ATP8A2: variants seen among roughly 807,000 people sequenced by gnomAD.
ATP8A2 encodes phospholipid-transporting ATPase IB.
In ATP8A2, 100 loss-of-function variants were observed where a neutral mutation model predicts 165.6. The ratio of observed to expected loss-of-function variants is 0.60; its 90% confidence interval spans 0.51 to 0.71. The LOEUF is 0.71. Ranked by LOEUF, ATP8A2 falls within the 30% of genes least tolerant of loss-of-function variation. ATP8A2 has a pLI of 0.00. For synonymous variants in ATP8A2, 543 were observed against 548.8 expected, an observed-to-expected ratio of 0.99 and a Z score of 0.15; for missense variants, 1,227 against 1,479.5, an observed-to-expected ratio of 0.83 and a Z score of 2.80.
intron 24 of ATP8A2, among the ~76,000 whole-genome samples, chr13:25,607,391 G>T (rs1399375692): frequency 6.6e-6 from 1 of 152,182 alleles, no homozygotes; most frequent in African/African-American, 2.4e-5. Flanking sequence ...TACAAAGGCA[G>T]AGTTGAGTAC....
chr13:25,544,973 C>A (rs1838450257), intron 10 of ATP8A2, among the ~76,000 whole-genome samples: 1 of 145,026 alleles, frequency 6.9e-6, no homozygotes, highest in African/African-American at 2.6e-5. Flanking sequence ...ATTACTAGGT[C>A]TTGAATATAC....
At chr13:25,933,643 T>C (rs1042987234) in intron 33 of ATP8A2, among the ~76,000 whole-genome samples, 1 of 152,096 alleles carries the variant, frequency 6.6e-6, no homozygotes, top group African/African-American at 2.4e-5. Context: ...ACCTAGGCCT[T>C]CCCAAGGGCA....
intron 24 of ATP8A2, among the ~76,000 whole-genome samples, chr13:25,676,980 T>C (rs1243007568): frequency 2.6e-5 from 4 of 152,210 alleles, no homozygotes; most frequent in Non-Finnish European, 5.9e-5. Context: ...GCCTTTGTTA[T>C]TGGGAAGAGG....
chr13:25,681,767 A>C (rs535753473), intron 24 of ATP8A2, among the ~76,000 whole-genome samples: 1 of 152,288 alleles, frequency 6.6e-6, no homozygotes, highest in Admixed American at 6.5e-5. Context: ...ACACCTCCAA[A>C]TGATTTATGT....
At chr13:25,389,303 TC>T (rs2033162145) in intron 1 of ATP8A2, among the ~76,000 whole-genome samples, 1 of 152,018 alleles carries the variant, frequency 6.6e-6, no homozygotes, top group South Asian at 2.1e-4. Context: ...TGTCATATTT[TC>T]CCCCCTAAAA....
Position 25,410,582 on chromosome 13 carries a change from T to C in ATP8A2, c.76+38294T>C, listed in dbSNP as rs1205830391. 2.6e-5 allele frequency among the ~76,000 whole-genome samples: 4 copies of C among 152,240 alleles called. No homozygotes were observed. The South Asian group carries it at 8.3e-4, about 32-fold the overall frequency. On this transcript the variant is annotated intron_variant, in intron 1 of 36. Coordinates refer to ENST00000381655, the MANE Select transcript of ATP8A2 (RefSeq NM_016529.6). Reference sequence around the variant, plus strand: ...AGCAGATCTTATTAAATCAACACAGTTTTTCAGTACTCCTGTGAGCAAGGC... The same window carrying C: ...AGCAGATCTTATTAAATCAACACAGCTTTTCAGTACTCCTGTGAGCAAGGC...
chr13:25,855,359 C>G (rs1952131586), intron 30 of ATP8A2, among the ~76,000 whole-genome samples: 1 of 152,108 alleles, frequency 6.6e-6, no homozygotes, highest in Non-Finnish European at 1.5e-5. Context: ...TCTGGACATT[C>G]CATAGAGATG....
chr13:25,693,383 G>A (rs1220488329), intron 24 of ATP8A2, among the ~76,000 whole-genome samples: 1 of 152,172 alleles, frequency 6.6e-6, no homozygotes, highest in Non-Finnish European at 1.5e-5. Context: ...TTATTGCCGA[G>A]TGGGCATGGA....
intron 12 of ATP8A2, among the ~76,000 whole-genome samples, chr13:25,554,517 GTGTGTGTGTGTA>G (rs1272036586): frequency 1.1e-3 from 91 of 84,870 alleles, no homozygotes; most frequent in African/African-American, 1.8e-3. Flanking sequence ...AATCATGTGT[GTGTGTGTGTGTA>G]TGTGTGTGTG....
At chr13:25,695,007 CT>C (rs1310735515) in intron 24 of ATP8A2, among the ~76,000 whole-genome samples, 2 of 152,124 alleles carry the variant, frequency 1.3e-5, no homozygotes, top group South Asian at 2.1e-4. Flanking sequence ...GTCCATTTAA[CT>C]TTTATGCATA....
At position 25,860,819 on chromosome 13, in the gene ATP8A2, G is replaced by A; in HGVS notation, c.3034G>A (p.Val1012Ile). 3 of 1,597,502 alleles carry A rather than the reference G, an allele frequency of 1.9e-6. No individual in the cohort carries two copies. The highest frequency in any genetic ancestry group is 2.6e-6 in the Non-Finnish European group (3 of 1,169,840). ...NIVYTYVVVT[V>I]CLKAGLETTA... The stretch of plus-strand genomic sequence containing the variant: ...ATTTTCACAGTATGTTGTTGTTACT[G>A]TTTGTCTGAAAGCTGGTTTGGAGAC... Residue 1012 changes from valine (V) to isoleucine (I), a missense_variant, in exon 32 of 37, where the codon GTT (valine) becomes ATT (isoleucine). Val to Ile is a conservative substitution (Grantham distance 29, BLOSUM62 3). Transcript: ENST00000381655.
chr13:25,413,860 A>T (rs1177040194), intron 1 of ATP8A2, among the ~76,000 whole-genome samples: 1 of 151,996 alleles, frequency 6.6e-6, no homozygotes, highest in Non-Finnish European at 1.5e-5. Flanking sequence ...ATTCTTTAAC[A>T]ATCCCCTGTT....
chr13:25,810,988 G>T (rs537427813), intron 27 of ATP8A2, among the ~76,000 whole-genome samples: 3 of 151,672 alleles, frequency 2.0e-5, no homozygotes, highest in African/African-American at 7.3e-5. Flanking sequence ...TGTGAATTTT[G>T]TCCATGATGT....
intron 33 of ATP8A2, among the ~76,000 whole-genome samples, chr13:25,867,740 C>A (rs1033054154): frequency 6.6e-6 from 1 of 152,186 alleles, no homozygotes; most frequent in East Asian, 1.9e-4. Flanking sequence ...AGGATAGCAG[C>A]GAGTTTGCTC....
chr13:25,749,937 G>C (rs2044118763), intron 25 of ATP8A2, among the ~76,000 whole-genome samples: 1 of 152,094 alleles, frequency 6.6e-6, no homozygotes, highest in Non-Finnish European at 1.5e-5. Context: ...TGAGATGGGG[G>C]ATTGCTTCAG....
intron 2 of ATP8A2, among the ~76,000 whole-genome samples, chr13:25,512,355 C>T (rs1329026222): frequency 1.3e-5 from 2 of 152,034 alleles, no homozygotes; most frequent in East Asian, 1.9e-4. Flanking sequence ...TTCCACAAAA[C>T]CGCCATTGTC....
chr13:25,977,668 C>T (rs1027977107), intron 35 of ATP8A2, among the ~76,000 whole-genome samples: 3 of 151,950 alleles, frequency 2.0e-5, no homozygotes, highest in African/African-American at 7.3e-5. Flanking sequence ...TCTTATGGAC[C>T]GATGTTTAAT....
chr13:26,016,590 A>G (rs1237428054), intron 36 of ATP8A2, among the ~76,000 whole-genome samples: 2 of 152,228 alleles, frequency 1.3e-5, no homozygotes, highest in African/African-American at 4.8e-5. Flanking sequence ...ACTATTCCAA[A>G]GGCTAAGATA....
chr13:25,550,234 G>A (rs1431810897), intron 10 of ATP8A2, among the ~76,000 whole-genome samples: 1 of 152,166 alleles, frequency 6.6e-6, no homozygotes, highest in Non-Finnish European at 1.5e-5. Flanking sequence ...GAACCCAGGA[G>A]GCGGAGGTTG....
Sources: allele counts gnomAD v4.1 joint callset (sites outside exome capture counted in the v4.1 genomes callset), GRCh38; gene constraint gnomAD v4.1.1; transcripts MANE v1.5; gene names NCBI Gene and HGNC (gene_info 2026-07-23, HGNC 2026-07-21).